DST: variants seen among roughly 807,000 people sequenced by gnomAD.
The protein encoded by DST is bullous pemphigoid antigen.
Under a neutral mutation model 875.2 loss-of-function variants are expected in DST, and 253 were observed. The observed-to-expected ratio is 0.29, with a 90% CI of 0.26 to 0.32. The LOEUF is 0.32. DST is among the 10% of genes least tolerant of loss of function. The pLI is 1.00. For synonymous variants in DST, 3,124 were observed against 3,197.1 expected (o/e 0.98, Z 0.77); for missense variants, 8,287 against 9,111.6 (o/e 0.91, Z 3.68).
intron 4 of DST, among the ~76,000 whole-genome samples, chr6:56,803,925 C>A (rs1175724044): frequency 6.6e-6 from 1 of 152,198 alleles, no homozygotes; most frequent in Non-Finnish European, 1.5e-5. Context: ...GCTTTCCCAT[C>A]ACATAAATGA....
intron 3 of DST, among the ~76,000 whole-genome samples, chr6:56,859,352 A>C (rs927328281): frequency 5.9e-5 from 9 of 152,188 alleles, no homozygotes; most frequent in Non-Finnish European, 1.2e-4. Flanking sequence ...CGAAATACAA[A>C]ATTTTTCTAA....
At chr6:56,892,172 G>A (rs943400707) in intron 3 of DST, among the ~76,000 whole-genome samples, 7 of 152,100 alleles carry the variant, frequency 4.6e-5, no homozygotes, top group African/African-American at 1.7e-4. Flanking sequence ...TAAACCAGTG[G>A]TTGTCTGAAA....
In DST at chr6:56,608,650, G is replaced by C; in HGVS notation, c.5978C>G (p.Ser1993Cys). Residue 1993 changes from serine to cysteine, a missense_variant, in exon 40 of 104, where the codon TCT becomes TGT. Physicochemically the swap from Ser to Cys is moderately radical, Grantham distance 112. Coordinates refer to ENST00000680361, the MANE Select transcript of DST (RefSeq NM_001374736.1). ...MFRLLSAQLL[S>C]GGLINSNSGQ... ...AGAGTTGGAATTGATCAGACCTCCA[G>C]AAAGAAGCTGTGCACTTAACAACCT... 1 of 1,613,160 alleles carries C rather than the reference G, an allele frequency of 6.2e-7. No homozygotes were observed.
chr6:56,534,990 C>T (rs1399789517), intron 63 of DST, 132 bp downstream of exon 63: 1 of 1,039,046 alleles, frequency 9.6e-7, no homozygotes, highest in African/African-American at 1.6e-5. Context: ...GAATGACTAA[C>T]AAAATAATGT....
chr6:56,735,531 T>C (rs908993173), intron 4 of DST, among the ~76,000 whole-genome samples: 1 of 150,530 alleles, frequency 6.6e-6, no homozygotes, highest in African/African-American at 2.5e-5. Flanking sequence ...AAATGCCCTC[T>C]GCCCCTCTGT....
chr6:56,730,982 A>G (rs2099495399), intron 5 of DST, among the ~76,000 whole-genome samples: 2 of 152,232 alleles, frequency 1.3e-5, no homozygotes, highest in Admixed American at 6.5e-5. Context: ...AAACAAATGT[A>G]ATTTTAGCCT....
chr6:56,632,117 AT>A, intron 28 of DST, 77 bp from the exon 29 acceptor site: 1 of 1,126,998 alleles, frequency 8.9e-7, no homozygotes, highest in Non-Finnish European at 1.3e-6. Context: ...TAATATGAGA[AT>A]TTTATATTAC....
chr6:56,611,532 A>G lies in DST; in HGVS notation c.5123T>C (p.Leu1708Pro), dbSNP rs2152720535. 2 of 1,612,852 alleles carry G rather than the reference A, an allele frequency of 1.2e-6. No homozygotes were observed. The highest frequency in any genetic ancestry group is 2.2e-5 in the South Asian group (2 of 90,868). ...CTTGTCTCCATGTTTTGCCAAAAAA[A>G]GCTGTATAGTTTGAAGTGCTTCCGA... ...QLSEALQTIQLFLAKHGDKMT... is the reference protein window; with the variant it reads ...QLSEALQTIQPFLAKHGDKMT... The change falls in exon 38 of 104, where the codon CTT (leucine) becomes CCT (proline). Residue 1708 changes from leucine to proline, a missense_variant. This residue lies in a region of DST where 3,138 missense variants were observed against 3,116.6 expected (regional missense o/e 1.01). Coordinates refer to ENST00000680361, the MANE Select transcript of DST (RefSeq NM_001374736.1).
At chr6:56,800,007 A>G (rs1279898386) in intron 4 of DST, among the ~76,000 whole-genome samples, 1 of 152,210 alleles carries the variant, frequency 6.6e-6, no homozygotes, top group Non-Finnish European at 1.5e-5. Context: ...ACAATATAAT[A>G]CAAGCATAAC....
Position 56,604,637 on chromosome 6 carries a change from G to T in DST, c.9991C>A (p.Gln3331Lys). 6.2e-7 allele frequency: 1 copy of T among 1,612,522 alleles called. No homozygotes were observed. Among genetic ancestry groups the T allele is most frequent in the Non-Finnish European group, 8.5e-7 (1 of 1,179,132 alleles). ...ERIEQQLPKEQALSPRSQEKE... is the reference protein window; with the variant it reads ...ERIEQQLPKEKALSPRSQEKE... ...TCTTGGGATCTTGGAGACAAGGCTT[G>T]TTCTTTTGGTAGCTGTTGCTCAATT... Residue 3331 changes from glutamine to lysine, a missense_variant, in exon 40 of 104, where the codon CAA becomes AAA. Around this residue, in one of 10 missense-constraint regions of DST, gnomAD observed 3,138 missense variants for 3,116.6 expected, o/e 1.01. Transcript: ENST00000680361.
rs550222309 is a variant in DST at position 56,579,396 on chromosome 6, C to T, written c.12904-459G>A. On this transcript the variant is annotated intron_variant, in intron 49 of 103. Transcript: ENST00000680361. ...TGAGTCATGTTTATTTCTGTTAATTCAATAAAAGTTACTGAACATCTAACA... is the reference window on the plus strand; with the variant it reads ...TGAGTCATGTTTATTTCTGTTAATTTAATAAAAGTTACTGAACATCTAACA... Among the ~76,000 whole-genome samples the T allele has an allele frequency of 3.4e-4, 52 of 152,202 alleles. No individual in the cohort carries two copies. In the Middle Eastern group the frequency reaches 0.01, roughly 30 times the overall value.
At chr6:56,486,138 C>A (rs1040894183) in intron 87 of DST, among the ~76,000 whole-genome samples, 34 of 151,798 alleles carry the variant, frequency 2.2e-4, no homozygotes, top group Non-Finnish European at 2.4e-4. Context: ...CCGAGGCGGG[C>A]GGATCACGAG....
intron 9 of DST, chr6:56,692,505 C>T (rs1451616168): frequency 1.6e-6 from 2 of 1,289,700 alleles, no homozygotes; most frequent in South Asian, 1.2e-5. Flanking sequence ...CAGTGTTTTG[C>T]TTTTCTTGAA....
At chr6:56,908,454 T>C (rs995176235) in intron 2 of DST, among the ~76,000 whole-genome samples, 3 of 152,228 alleles carry the variant, frequency 2.0e-5, no homozygotes, top group African/African-American at 7.2e-5. Flanking sequence ...CAACAGTACC[T>C]GTGACTTTTG....
At position 56,608,547 on chromosome 6, in the gene DST, A is replaced by G. The variant is rs1425904949; in HGVS notation, c.6081T>C (p.Tyr2027=). 4.3e-6 allele frequency: 7 copies of G among 1,613,368 alleles called. No individual in the cohort carries two copies. Among genetic ancestry groups the G allele is most frequent in the African/African-American group, 1.3e-5 (1 of 74,864 alleles). Residue 2027 remains tyrosine, a synonymous_variant, in exon 40 of 104, where the codon TAT becomes TAC. Coordinates refer to ENST00000680361, the MANE Select transcript of DST (RefSeq NM_001374736.1). ...GGATGATTCCACCAGTTTGAACCTG[A>G]TATGTGAGGATACTGCTAGCAGTGT... ...DRDTASSILT[Y]QVQTGGIIQS... is the part of the protein sequence containing the mutation.
intron 10 of DST, among the ~76,000 whole-genome samples, chr6:56,667,419 A>G (rs1323802124): frequency 6.6e-6 from 1 of 152,202 alleles, no homozygotes; most frequent in Non-Finnish European, 1.5e-5. Context: ...AAGTAAAGAA[A>G]GGCTCAATGA....
intron 15 of DST, chr6:56,642,877 A>G: frequency 6.3e-7 from 1 of 1,597,200 alleles, no homozygotes; most frequent in Non-Finnish European, 8.5e-7. Flanking sequence ...TCTAACGGTG[A>G]AAAGTGGCAG....
intron 61 of DST, among the ~76,000 whole-genome samples, chr6:56,543,035 G>T (rs902240771): frequency 1.3e-5 from 2 of 152,240 alleles, no homozygotes; most frequent in African/African-American, 4.8e-5. Context: ...GGACAGCTCA[G>T]GTTCAAACAC....
At chr6:56,843,734 GGAGGGT>G (rs2099803663) in intron 4 of DST, 1 of 173,676 alleles carries the variant, frequency 5.8e-6, no homozygotes, top group African/African-American at 4.4e-5. Flanking sequence ...GGTGGAGAGT[GGAGGGT>G]GGAGGGTGGA....
Sources: gnomAD v4.1 joint callset for allele counts (sites outside exome capture counted in the v4.1 genomes callset) on GRCh38, gnomAD v4.1.1 for gene constraint, gnomAD v4.1.1 regional missense constraint, MANE v1.5 for transcripts, NCBI Gene and HGNC (gene_info 2026-07-23, HGNC 2026-07-21) for gene names.